The following DIAPH3 variants were observed in gnomAD, a reference collection of about 807,000 sequenced individuals.
DIAPH3 encodes the protein diaphanous related formin 3, also known as protein diaphanous homolog 3.
Under a neutral mutation model 144.3 loss-of-function variants are expected in DIAPH3, and 117 were observed. That is an observed-to-expected ratio of 0.81 (90% CI 0.70 to 0.95). The LOEUF (loss-of-function observed/expected upper bound fraction) is 0.95, where lower values mean the gene tolerates loss of function less well. DIAPH3 is among the 40% of genes least tolerant of loss of function. The pLI, the probability that DIAPH3 is intolerant of heterozygous loss-of-function variation, is 0.00. For missense variants in DIAPH3, 1,421 were observed against 1,412.7 expected, an observed-to-expected ratio of 1.01 and a Z score of -0.09; for synonymous variants, 519 against 488.9, an observed-to-expected ratio of 1.06 and a Z score of -0.81.
intron 27 of DIAPH3, among the ~76,000 whole-genome samples, chr13:59,716,480 A>G (rs2035070150): frequency 6.6e-6 from 1 of 152,154 alleles, no homozygotes; most frequent in South Asian, 2.1e-4. Context: ...CGGCCCCAGG[A>G]AACATTTTTA....
chr13:60,045,149 G>A (rs556616039), intron 4 of DIAPH3, among the ~76,000 whole-genome samples: 77 of 152,016 alleles, frequency 5.1e-4, no homozygotes, highest in African/African-American at 1.6e-3. Context: ...CGAGACCAGC[G>A]TGACCAACAT....
chr13:59,918,631 G>C (rs947365211), intron 18 of DIAPH3, among the ~76,000 whole-genome samples: 2 of 152,084 alleles, frequency 1.3e-5, no homozygotes, highest in African/African-American at 2.4e-5. Context: ...TCTAGGCTTA[G>C]GGCACTCCCT....
chr13:59,847,861 C>A (rs1215504071), intron 22 of DIAPH3, among the ~76,000 whole-genome samples: 1 of 152,134 alleles, frequency 6.6e-6, no homozygotes, highest in Non-Finnish European at 1.5e-5. Flanking sequence ...TAGATCCTTC[C>A]CCTGAACTCC....
chr13:59,976,065 T>G (rs2050663349), intron 14 of DIAPH3, among the ~76,000 whole-genome samples: 1 of 152,034 alleles, frequency 6.6e-6, no homozygotes, highest in Admixed American at 6.6e-5. Context: ...TTTACCTCTC[T>G]GTACTTTCAT....
At chr13:60,001,061 G>A (rs561047215) in intron 9 of DIAPH3, among the ~76,000 whole-genome samples, 6 of 152,148 alleles carry the variant, frequency 3.9e-5, no homozygotes, top group Non-Finnish European at 8.8e-5. Flanking sequence ...GACATTGATG[G>A]TCTTTGATCT....
chr13:59,855,445 C>A (rs11842510), intron 22 of DIAPH3, among the ~76,000 whole-genome samples: 1 of 151,666 alleles, frequency 6.6e-6, no homozygotes, highest in Admixed American at 6.6e-5. Flanking sequence ...ATAAATTTAA[C>A]TTTTATTATA....
chr13:59,851,778 A>C (rs2042988816), intron 22 of DIAPH3, among the ~76,000 whole-genome samples: 1 of 151,242 alleles, frequency 6.6e-6, no homozygotes, highest in Admixed American at 6.6e-5. Context: ...ATGCACCACC[A>C]CGCCCAGTTT....
intron 17 of DIAPH3, among the ~76,000 whole-genome samples, chr13:59,960,012 G>A (rs1160534609): frequency 1.3e-5 from 2 of 152,140 alleles, no homozygotes; most frequent in African/African-American, 4.8e-5. Flanking sequence ...CAGACTTCTT[G>A]TTTTAATCAT....
chr13:59,931,877 A>G (rs2140334407), intron 17 of DIAPH3, among the ~76,000 whole-genome samples: 1 of 152,350 alleles, frequency 6.6e-6, no homozygotes, highest in South Asian at 2.1e-4. Context: ...CATGTACAAG[A>G]GGCAGCTGGA....
chr13:60,047,525 T>A (rs1347856607), intron 4 of DIAPH3, among the ~76,000 whole-genome samples: 1 of 152,172 alleles, frequency 6.6e-6, no homozygotes, highest in East Asian at 1.9e-4. Flanking sequence ...ACTTATATCA[T>A]CAATGATTTT....
intron 25 of DIAPH3, among the ~76,000 whole-genome samples, chr13:59,810,357 CTCTT>C (rs2040411226): frequency 6.6e-6 from 1 of 152,114 alleles, no homozygotes; most frequent in South Asian, 2.1e-4. Flanking sequence ...TCGCTTAAGT[CTCTT>C]TCTTTTAAAC....
At position 59,983,824 on chromosome 13, in the gene DIAPH3, C is replaced by A; in HGVS notation, c.1425G>T (p.Met475Ile). ...VSQIVLHRDG[M>I]DPDFTYRKRL... ...TTTTTCGATATGTGAAGTCTGGATC[C>A]ATTCCATCTCTATGCAATACAATCT... Residue 475 changes from methionine to isoleucine, a missense_variant, in exon 13 of 28, where the codon ATG becomes ATT. Transcript: ENST00000400324. 1.2e-6 allele frequency: 2 copies of A among 1,610,264 alleles called. No homozygotes were observed. Among genetic ancestry groups the A allele is most frequent in the Non-Finnish European group, 1.7e-6 (2 of 1,177,478 alleles).
chr13:60,126,578 A>T (rs1469384099), intron 2 of DIAPH3, among the ~76,000 whole-genome samples: 1 of 152,172 alleles, frequency 6.6e-6, no homozygotes, highest in African/African-American at 2.4e-5. Flanking sequence ...AAGAATACAG[A>T]AGATGTGAAC....
At chr13:59,983,652 G>A (rs141609475) in intron 13 of DIAPH3, 117 bp downstream of exon 13, 89 of 696,348 alleles carry the variant, frequency 1.3e-4, no homozygotes, top group Non-Finnish European at 2.1e-4. Context: ...TATGAAAACA[G>A]TTTTGACAAT....
intron 4 of DIAPH3, among the ~76,000 whole-genome samples, chr13:60,067,268 G>GTCTCACAC (rs1279757318): frequency 1.3e-5 from 2 of 151,826 alleles, no homozygotes; most frequent in African/African-American, 4.8e-5. Flanking sequence ...CTGAGCGACA[G>GTCTCACAC]TGTGAGACCC....
intron 20 of DIAPH3, among the ~76,000 whole-genome samples, chr13:59,907,485 A>G (rs2046797434): frequency 6.6e-6 from 1 of 152,228 alleles, no homozygotes; most frequent in Non-Finnish European, 1.5e-5. Flanking sequence ...CCTAGAAAAC[A>G]CAGGACATAT....
intron 17 of DIAPH3, among the ~76,000 whole-genome samples, chr13:59,965,089 C>T (rs2049974757): frequency 6.6e-6 from 1 of 152,148 alleles, no homozygotes. Context: ...ACATCTTGAA[C>T]ACCGCCAAGT....
chr13:59,839,537 C>T (rs2042227387), intron 22 of DIAPH3, 89 bp from the exon 23 acceptor site: 2 of 1,230,702 alleles, frequency 1.6e-6, no homozygotes, highest in Non-Finnish European at 1.1e-6. Context: ...TTCATGAAAA[C>T]AACTCACAAT....
chr13:59,846,435 T>C (rs2042636600), intron 22 of DIAPH3, among the ~76,000 whole-genome samples: 1 of 152,186 alleles, frequency 6.6e-6, no homozygotes, highest in Non-Finnish European at 1.5e-5. Context: ...CTTCCTACAC[T>C]CATAGAATCA....
Sources: allele counts gnomAD v4.1 joint callset (sites outside exome capture counted in the v4.1 genomes callset), GRCh38; gene constraint gnomAD v4.1.1; transcripts MANE v1.5; gene names NCBI Gene and HGNC (gene_info 2026-07-23, HGNC 2026-07-21).